PTBP2: variants seen among roughly 807,000 people sequenced by gnomAD.
The protein encoded by PTBP2 is polypyrimidine tract-binding protein 2.
In PTBP2, 13 loss-of-function variants were observed where a neutral mutation model predicts 61.4. That is an observed-to-expected ratio of 0.21 (90% CI 0.14 to 0.34). The LOEUF (loss-of-function observed/expected upper bound fraction) is 0.34. Among genes scored for constraint, PTBP2 ranks in the 10% least tolerant of loss-of-function variants. The pLI is 1.00. For synonymous variants in PTBP2, 215 were observed against 218.5 expected (o/e 0.98, Z 0.14); for missense variants, 405 against 642.6 (o/e 0.63, Z 4.00).
chr1:96,764,642 C>T (rs1250378053), intron 3 of PTBP2, among the ~76,000 whole-genome samples: 1 of 152,166 alleles, frequency 6.6e-6, no homozygotes, highest in African/African-American at 2.4e-5. Flanking sequence ...TTAACTTTTA[C>T]AGACATATTT....
At chr1:96,803,933 A>G (rs1463079732) in intron 8 of PTBP2, among the ~76,000 whole-genome samples, 1 of 152,192 alleles carries the variant, frequency 6.6e-6, no homozygotes, top group African/African-American at 2.4e-5. Context: ...GTGTGTAAGA[A>G]TTTAAGGGAT....
At chr1:96,721,973 A>G (rs900449436) in intron 1 of PTBP2, 101 bp downstream of exon 1, 19 of 1,462,388 alleles carry the variant, frequency 1.3e-5, no homozygotes, top group Middle Eastern at 1.9e-4. Flanking sequence ...GGCCCCTCCC[A>G]GGGCTGGGCT....
intron 8 of PTBP2, among the ~76,000 whole-genome samples, chr1:96,792,010 A>AT (rs899965775): frequency 6.7e-5 from 10 of 149,816 alleles, no homozygotes; most frequent in East Asian, 2.0e-4. Flanking sequence ...ATTTCTTCAT[A>AT]TTTTTTTTAG....
At chr1:96,768,465 T>C (rs961337429) in intron 3 of PTBP2, among the ~76,000 whole-genome samples, 2 of 152,026 alleles carry the variant, frequency 1.3e-5, no homozygotes, top group Non-Finnish European at 1.5e-5. Context: ...TAAAGTTTTA[T>C]ACAAAATGGA....
intron 11 of PTBP2, among the ~76,000 whole-genome samples, chr1:96,809,907 GTATAAAA>G (rs1259677844): frequency 6.6e-6 from 1 of 151,910 alleles, no homozygotes; most frequent in Non-Finnish European, 1.5e-5. Context: ...GAAATCAATG[GTATAAAA>G]GACAGTTGAG....
chr1:96,763,599 G>GGAGGGA (rs567887523), intron 3 of PTBP2, among the ~76,000 whole-genome samples: 2,566 of 129,192 alleles, frequency 0.02, 219 homozygotes, highest in African/African-American at 0.081. Context: ...CGTGGGGAGA[G>GGAGGGA]GAGGGAGGGG....
intron 2 of PTBP2, among the ~76,000 whole-genome samples, chr1:96,732,556 C>G (rs1415103903): frequency 6.6e-6 from 1 of 152,116 alleles, no homozygotes; most frequent in Non-Finnish European, 1.5e-5. Flanking sequence ...CTTTAATATG[C>G]TCATACTCTA....
At chr1:96,785,372 T>G (rs1483126455) in intron 8 of PTBP2, 118 bp downstream of exon 8, 1 of 757,294 alleles carries the variant, frequency 1.3e-6, no homozygotes, top group East Asian at 3.2e-5. Flanking sequence ...TTTCGTGAGT[T>G]TTCTTTTTCT....
At chr1:96,738,718 C>T (rs908112878) in intron 2 of PTBP2, among the ~76,000 whole-genome samples, 1 of 152,144 alleles carries the variant, frequency 6.6e-6, no homozygotes. Flanking sequence ...TAATCTTTCT[C>T]TCTTATGTAC....
chr1:96,801,977 C>T lies in PTBP2; in HGVS notation c.905-2823C>T, dbSNP rs1409229000. Reference sequence around the variant, plus strand: ...CTGTAATCCTAGCACTTTGGGAGGCCGAGACGGGTGGATCACGAGGTCAGG... The same window carrying T: ...CTGTAATCCTAGCACTTTGGGAGGCTGAGACGGGTGGATCACGAGGTCAGG... On this transcript the variant is annotated intron_variant, in intron 8 of 13. Coordinates refer to ENST00000674951, the MANE Select transcript of PTBP2 (RefSeq NM_021190.4). Among the ~76,000 whole-genome samples the T allele has an allele frequency of 2.6e-5, 4 of 151,506 alleles. No homozygotes were observed. In the East Asian group the frequency reaches 7.8e-4, roughly 29 times the overall value.
chr1:96,755,895 T>C (rs188486156), intron 3 of PTBP2, among the ~76,000 whole-genome samples: 71 of 152,282 alleles, frequency 4.7e-4, no homozygotes, highest in African/African-American at 1.6e-3. Context: ...ATATAAATTA[T>C]TGTGATGGTG....
chr1:96,791,532 A>G (rs1037525290), intron 8 of PTBP2, among the ~76,000 whole-genome samples: 1 of 152,158 alleles, frequency 6.6e-6, no homozygotes, highest in Non-Finnish European at 1.5e-5. Context: ...ACTTTTAGTT[A>G]ATTATTGTGA....
intron 7 of PTBP2, among the ~76,000 whole-genome samples, chr1:96,778,828 A>G (rs1015451869): frequency 2.0e-5 from 3 of 152,050 alleles, no homozygotes; most frequent in Admixed American, 2.0e-4. Flanking sequence ...ATTTTTTACA[A>G]TTGTTTCATT....
intron 8 of PTBP2, 45 bp downstream of exon 8, chr1:96,785,299 A>T: frequency 7.0e-7 from 1 of 1,423,644 alleles, no homozygotes; most frequent in Non-Finnish European, 9.4e-7. Context: ...ATTTTGCCAA[A>T]TGGAAAAGTA....
At chr1:96,818,983 A>G (rs1006978129), downstream of PTBP2, 1 of 152,012 alleles carries the variant, frequency 6.6e-6, no homozygotes, top group African/African-American at 2.4e-5. Context: ...ATAAATTTAA[A>G]CTATTATGTA....
intron 2 of PTBP2, among the ~76,000 whole-genome samples, chr1:96,738,475 G>A (rs2101875): frequency 0.35 from 51,130 of 147,928 alleles, 8,811 homozygotes; most frequent in South Asian, 0.45. Flanking sequence ...GGGTTTCACC[G>A]TGTTAGCCAG....
chr1:96,819,432 C>T (rs533264244), downstream of PTBP2: 1 of 152,056 alleles, frequency 6.6e-6, no homozygotes, highest in South Asian at 2.1e-4. Context: ...TGCTTACCAC[C>T]CCCATTTCTC....
At chr1:96,731,293 G>A (rs1164932421) in intron 2 of PTBP2, among the ~76,000 whole-genome samples, 1 of 152,140 alleles carries the variant, frequency 6.6e-6, no homozygotes, top group East Asian at 1.9e-4. Context: ...TCACAAGTGT[G>A]TATGGGAGTG....
intron 2 of PTBP2, among the ~76,000 whole-genome samples, chr1:96,740,819 T>C (rs1365341570): frequency 6.6e-6 from 1 of 152,004 alleles, no homozygotes; most frequent in African/African-American, 2.4e-5. Context: ...CCATATAGTA[T>C]ATGATATATG....
Sources: gnomAD v4.1 joint callset for allele counts (sites outside exome capture counted in the v4.1 genomes callset) on GRCh38, gnomAD v4.1.1 for gene constraint, MANE v1.5 for transcripts, NCBI Gene and HGNC (gene_info 2026-07-23, HGNC 2026-07-21) for gene names.